The following KIF26B variants were observed in gnomAD, a reference collection of about 807,000 sequenced individuals.
KIF26B encodes kinesin family member 26B, also known as kinesin-like protein KIF26B.
A neutral mutation model predicts 151.2 loss-of-function variants in KIF26B; 63 were observed. That is an observed-to-expected ratio of 0.42 (90% CI 0.34 to 0.51). The LOEUF (loss-of-function observed/expected upper bound fraction) is 0.51, where lower values mean the gene tolerates loss of function less well. KIF26B is among the 20% of genes least tolerant of loss of function. The probability of loss-of-function intolerance (pLI) is 0.07; values close to 1 mark genes in which losing one functional copy is unlikely to be tolerated. For synonymous variants in KIF26B, 1,357 were observed against 1,262.1 expected (o/e 1.08, Z -1.59); for missense variants, 2,813 against 2,913.6 (o/e 0.97, Z 0.79).
At position 245,699,976 on chromosome 1, in the gene KIF26B, C is replaced by T. The variant is rs140475317; in HGVS notation, c.6178+939C>T. Among the ~76,000 whole-genome samples the T allele has an allele frequency of 2.1e-3, 315 of 152,336 alleles. 1 individual carries two copies. Among genetic ancestry groups the T allele is most frequent in the African/African-American group, 7.2e-3 (298 of 41,582 alleles). ...TGCGGAAGAAAGTGGCAGGACTTGTCAGCCTCCCAGCTGTGCCTTCCACAT... is the reference window on the plus strand; with the variant it reads ...TGCGGAAGAAAGTGGCAGGACTTGTTAGCCTCCCAGCTGTGCCTTCCACAT... On this transcript the variant is annotated intron_variant, in intron 14 of 14. Transcript: ENST00000407071.
chr1:245,249,378 T>C (rs967368640), intron 2 of KIF26B, among the ~76,000 whole-genome samples: 2 of 152,064 alleles, frequency 1.3e-5, no homozygotes, highest in Non-Finnish European at 2.9e-5. Context: ...GGATTACAAG[T>C]GTGAGGCACC....
chr1:245,402,114 C>T (rs1352725996), intron 3 of KIF26B, among the ~76,000 whole-genome samples: 1 of 152,146 alleles, frequency 6.6e-6, no homozygotes, highest in East Asian at 1.9e-4. Flanking sequence ...AGCTTGCAAG[C>T]CTGTTGTTGA....
chr1:245,225,977 T>A (rs1409578210), intron 2 of KIF26B: 2 of 152,230 alleles, frequency 1.3e-5, no homozygotes, highest in Non-Finnish European at 2.9e-5. Flanking sequence ...ACTGAGCACA[T>A]CATGTTAGAA....
chr1:245,308,059 T>C (rs1351696967), intron 2 of KIF26B, among the ~76,000 whole-genome samples: 1 of 152,198 alleles, frequency 6.6e-6, no homozygotes, highest in Non-Finnish European at 1.5e-5. Context: ...GACTCGTTTC[T>C]ATTACTCTGA....
intron 2 of KIF26B, among the ~76,000 whole-genome samples, chr1:245,186,198 C>A (rs1003329497): frequency 2.0e-5 from 3 of 151,846 alleles, no homozygotes; most frequent in African/African-American, 7.3e-5. Context: ...ATGGTCCCTT[C>A]TCCCACGTGC....
intron 2 of KIF26B, among the ~76,000 whole-genome samples, chr1:245,237,420 C>A (rs150579306): frequency 1.3e-5 from 2 of 152,070 alleles, no homozygotes; most frequent in Admixed American, 6.5e-5. Flanking sequence ...GTTTTTGTAA[C>A]GGGAAAGTGC....
intron 2 of KIF26B, among the ~76,000 whole-genome samples, chr1:245,302,646 AT>A (rs1671444937): frequency 6.6e-6 from 1 of 152,170 alleles, no homozygotes; most frequent in Non-Finnish European, 1.5e-5. Context: ...TTCCCAACAT[AT>A]CAGGGAATTT....
chr1:245,390,496 C>T (rs1467429977), intron 3 of KIF26B, among the ~76,000 whole-genome samples: 1 of 152,064 alleles, frequency 6.6e-6, no homozygotes, highest in African/African-American at 2.4e-5. Flanking sequence ...AGTCACTGCG[C>T]CCAGCCTACT....
At chr1:245,350,413 T>G (rs1325218088) in intron 2 of KIF26B, among the ~76,000 whole-genome samples, 2 of 152,142 alleles carry the variant, frequency 1.3e-5, no homozygotes, top group Non-Finnish European at 2.9e-5. Context: ...TTTTCTGAAG[T>G]CTGCCTTACG....
At chr1:245,301,569 G>A (rs768682394) in intron 2 of KIF26B, among the ~76,000 whole-genome samples, 19 of 152,140 alleles carry the variant, frequency 1.2e-4, no homozygotes, top group African/African-American at 3.9e-4. Flanking sequence ...TGGACTTGGC[G>A]CGGAGTCCCA....
Position 245,705,909 on chromosome 1 carries a change from G to A in KIF26B, c.*3303G>A, listed in dbSNP as rs1459905732. 6.6e-6 allele frequency: 1 copy of A among 152,180 alleles called. No individual in the cohort carries two copies. Among genetic ancestry groups the A allele is most frequent in the African/African-American group, 2.4e-5 (1 of 41,440 alleles). 9.4% of individuals were successfully genotyped at this position (152,180 alleles called of 1,614,324 possible). ...TGTCTCTTTCATCTCTTCCGGATTT[G>A]GAATCAGAACACTCTGCCCGTTGTT... On this transcript the variant is annotated 3_prime_UTR_variant, in exon 15 of 15. Coordinates refer to ENST00000407071, the MANE Select transcript of KIF26B (RefSeq NM_018012.4).
Position 245,640,160 on chromosome 1 carries a change from T to TATATATATATATATATATATATATATAC in KIF26B, c.2099-5960_2099-5959insTATATATATATATATATATATATATACA, listed in dbSNP as rs796722836. ...CTCTCTCTCTATATATATATATATA[T>TATATATATATATATATATATATATATAC]ACCCTGCTATTTGGTTATATATATT... On this transcript the variant is annotated intron_variant, in intron 9 of 14. Coordinates refer to ENST00000407071, the MANE Select transcript of KIF26B (RefSeq NM_018012.4). Among the ~76,000 whole-genome samples, 72 of 54,712 alleles carry TATATATATATATATATATATATATATAC rather than the reference T, an allele frequency of 1.3e-3. 4 individuals are homozygous for TATATATATATATATATATATATATATAC. The highest frequency in any genetic ancestry group is 8.9e-3 in the Middle Eastern group (1 of 112). The allele number at this position is 54,712 out of a possible 152,430, so 35.9% of individuals were successfully genotyped here.
At chr1:245,452,069 T>A (rs1263711854) in intron 4 of KIF26B, among the ~76,000 whole-genome samples, 1 of 152,148 alleles carries the variant, frequency 6.6e-6, no homozygotes, top group African/African-American at 2.4e-5. Context: ...CTCCAAACAA[T>A]CTCTGTAACC....
intron 2 of KIF26B, among the ~76,000 whole-genome samples, chr1:245,273,132 A>T (rs572568250): frequency 6.6e-6 from 1 of 152,012 alleles, no homozygotes; most frequent in Non-Finnish European, 1.5e-5. Context: ...TGGGATATTG[A>T]GCCAGGCACA....
intron 3 of KIF26B, among the ~76,000 whole-genome samples, chr1:245,406,645 C>T (rs991557033): frequency 6.6e-6 from 1 of 152,282 alleles, no homozygotes; most frequent in East Asian, 1.9e-4. Flanking sequence ...ATTTCAGTCT[C>T]TTAATCTCAT....
At chr1:245,374,789 G>A (rs141184452) in intron 3 of KIF26B, among the ~76,000 whole-genome samples, 28 of 152,206 alleles carry the variant, frequency 1.8e-4, no homozygotes, top group African/African-American at 6.7e-4. Context: ...TTGTATATTC[G>A]GTCATGGACA....
chr1:245,186,415 G>A (rs1208746899), intron 2 of KIF26B, among the ~76,000 whole-genome samples: 2 of 152,164 alleles, frequency 1.3e-5, no homozygotes, highest in African/African-American at 4.8e-5. Flanking sequence ...TTATTTGGGT[G>A]CAGCTAAACC....
At chr1:245,493,002 A>C (rs1231827636) in intron 4 of KIF26B, among the ~76,000 whole-genome samples, 6 of 152,010 alleles carry the variant, frequency 3.9e-5, no homozygotes. Flanking sequence ...GATGGTCTTG[A>C]TCTCCTGACC....
intron 2 of KIF26B, among the ~76,000 whole-genome samples, chr1:245,204,037 A>T (rs563973274): frequency 1.3e-5 from 2 of 152,204 alleles, no homozygotes. Context: ...GCTGTCCCCA[A>T]GCCAGTTAGC....
Sources: gnomAD v4.1 joint callset for allele counts (sites outside exome capture counted in the v4.1 genomes callset) on GRCh38, gnomAD v4.1.1 for gene constraint, MANE v1.5 for transcripts, NCBI Gene and HGNC (gene_info 2026-07-23, HGNC 2026-07-21) for gene names.